RBFOX1: variants seen among roughly 807,000 people sequenced by gnomAD.
The protein encoded by RBFOX1 is RNA binding fox-1 homolog 1.
In RBFOX1, 8 loss-of-function variants were observed where a neutral mutation model predicts 57.7. The observed-to-expected ratio is 0.14, with a 90% CI of 0.08 to 0.25. The LOEUF (loss-of-function observed/expected upper bound fraction) is 0.25, where lower values mean the gene tolerates loss of function less well. Among genes scored for constraint, RBFOX1 ranks in the 10% least tolerant of loss-of-function variants. RBFOX1 has a pLI of 1.00. For synonymous variants in RBFOX1, 326 were observed against 222.4 expected (o/e 1.47, Z -4.15); for missense variants, 611 against 548.5 (o/e 1.11, Z -1.14).
intron 2 of RBFOX1, among the ~76,000 whole-genome samples, chr16:5,484,090 G>A (rs2069642579): frequency 6.6e-6 from 1 of 152,234 alleles, no homozygotes; most frequent in Admixed American, 6.5e-5. Flanking sequence ...AGGATTGCTT[G>A]CACCAAAGAG....
chr16:5,845,973 G>A (rs1567617457), intron 3 of RBFOX1, among the ~76,000 whole-genome samples: 1 of 152,130 alleles, frequency 6.6e-6, no homozygotes, highest in Non-Finnish European at 1.5e-5. Flanking sequence ...AGGAATTCAA[G>A]ACCAGCTTGG....
At chr16:5,795,448 A>C (rs966077768) in intron 3 of RBFOX1, among the ~76,000 whole-genome samples, 2 of 151,872 alleles carry the variant, frequency 1.3e-5, no homozygotes, top group African/African-American at 4.8e-5. Flanking sequence ...GACCACAGGC[A>C]CCTACCACCG....
At chr16:7,050,628 A>G (rs1053591919) in intron 3 of RBFOX1, among the ~76,000 whole-genome samples, 10 of 152,054 alleles carry the variant, frequency 6.6e-5, no homozygotes, top group African/African-American at 2.4e-4. Flanking sequence ...GAACCATAAT[A>G]TTGTATATTT....
intron 3 of RBFOX1, among the ~76,000 whole-genome samples, chr16:6,839,847 C>T (rs75847364): frequency 0.023 from 3,482 of 152,264 alleles, 171 homozygotes; most frequent in East Asian, 0.2. Flanking sequence ...TACCTCTGTT[C>T]TTACGTGATA....
chr16:7,538,592 A>T (rs1253734819), intron 5 of RBFOX1, among the ~76,000 whole-genome samples: 1 of 152,196 alleles, frequency 6.6e-6, no homozygotes, highest in African/African-American at 2.4e-5. Flanking sequence ...TAGGAGAGAG[A>T]GATGGAAACA....
intron 3 of RBFOX1, among the ~76,000 whole-genome samples, chr16:5,625,017 T>C (rs1383884410): frequency 3.3e-5 from 5 of 152,188 alleles, no homozygotes; most frequent in African/African-American, 1.2e-4. Flanking sequence ...GCACGAGAGA[T>C]ACCAGCAGTC....
intron 2 of RBFOX1, among the ~76,000 whole-genome samples, chr16:6,382,358 G>C (rs925934996): frequency 6.6e-6 from 1 of 152,192 alleles, no homozygotes; most frequent in East Asian, 1.9e-4. Context: ...AAGAAGGTGT[G>C]TAAGTTGTGT....
At chr16:6,191,284 T>A (rs1598228413) in intron 1 of RBFOX1, among the ~76,000 whole-genome samples, 3 of 152,126 alleles carry the variant, frequency 2.0e-5, no homozygotes, top group East Asian at 3.9e-4. Flanking sequence ...CTTCTCCCTG[T>A]CATAGTGCCT....
At chr16:5,465,364 T>G (rs895224369) in intron 1 of RBFOX1, among the ~76,000 whole-genome samples, 4 of 152,192 alleles carry the variant, frequency 2.6e-5, no homozygotes, top group African/African-American at 9.7e-5. Flanking sequence ...CAGCCTCATT[T>G]TAATTTAATC....
At chr16:7,538,924 T>A (rs373168592) in intron 5 of RBFOX1, among the ~76,000 whole-genome samples, 2 of 147,904 alleles carry the variant, frequency 1.4e-5, no homozygotes, top group East Asian at 4.1e-4. Flanking sequence ...AGTTCTATGG[T>A]CAATGAGACT....
At chr16:5,311,977 G>T (rs929509304) in intron 1 of RBFOX1, among the ~76,000 whole-genome samples, 8 of 152,310 alleles carry the variant, frequency 5.3e-5, no homozygotes, top group Non-Finnish European at 1.0e-4. Flanking sequence ...AGCCTTGCAA[G>T]AGCAAAGGCC....
chr16:7,702,997 G>T (rs567541062), intron 14 of RBFOX1, among the ~76,000 whole-genome samples: 28 of 152,260 alleles, frequency 1.8e-4, no homozygotes, highest in African/African-American at 6.7e-4. Flanking sequence ...CCCCAACCAG[G>T]GGGGTAGACA....
rs563218595 is a variant in RBFOX1 at position 5,825,858 on chromosome 16, T to C, written c.319-41445T>C. 3.5e-3 allele frequency among the ~76,000 whole-genome samples: 453 copies of C among 127,844 alleles called. 1 individual carries two copies. Among genetic ancestry groups the C allele is most frequent in the African/African-American group, 0.012 (431 of 35,046 alleles). 83.9% of individuals were successfully genotyped at this position (127,844 alleles called of 152,430 possible). A position where few individuals can be genotyped will look rare whatever the true frequency, so the allele number is the denominator to read the frequency against. On this transcript the variant is annotated intron_variant, in intron 3 of 19. Coordinates refer to the RBFOX1 transcript ENST00000641259. ...GAATAAGGAATAATATTCCGTAATA[T>C]GAATAAGGAATAATATTCCGTAATA...
intron 1 of RBFOX1, among the ~76,000 whole-genome samples, chr16:5,418,088 A>AACG (rs1343010847): frequency 2.6e-5 from 4 of 151,774 alleles, no homozygotes; most frequent in African/African-American, 9.7e-5. Flanking sequence ...TCTCAACAAC[A>AACG]ACAACAACAA....
chr16:6,722,112 G>A (rs1214182270), intron 3 of RBFOX1, among the ~76,000 whole-genome samples: 4 of 152,148 alleles, frequency 2.6e-5, no homozygotes, highest in South Asian at 2.1e-4. Context: ...TATAAGCGCG[G>A]TTGCACAGAT....
intron 3 of RBFOX1, among the ~76,000 whole-genome samples, chr16:5,748,909 C>T (rs2053086013): frequency 2.0e-5 from 3 of 152,158 alleles, no homozygotes; most frequent in Admixed American, 1.3e-4. Context: ...TTGTTCCTGT[C>T]ATTATGATGT....
At chr16:5,429,282 GC>G (rs2151508124) in intron 1 of RBFOX1, among the ~76,000 whole-genome samples, 1 of 152,326 alleles carries the variant, frequency 6.6e-6, no homozygotes, top group South Asian at 2.1e-4. Flanking sequence ...GGGACTGCTG[GC>G]CCTCTGAGAG....
In RBFOX1 at chr16:6,505,325, T is replaced by A. The variant is rs42187; in HGVS notation, c.-63-149278T>A. 5.0e-3 allele frequency among the ~76,000 whole-genome samples: 763 copies of A among 152,300 alleles called. 4 individuals are homozygous for A. Among genetic ancestry groups the A allele is most frequent in the Middle Eastern group, 0.014 (4 of 294 alleles). ...TGATATTCATCACTCAATTGAGCTT[T>A]GTTTATATAAGGAATCTAAAAATGC... On this transcript the variant is annotated intron_variant, in intron 2 of 15. Transcript: ENST00000550418.
At chr16:7,207,789 C>G (rs1038269966) in intron 4 of RBFOX1, among the ~76,000 whole-genome samples, 1 of 152,144 alleles carries the variant, frequency 6.6e-6, no homozygotes, top group East Asian at 1.9e-4. Flanking sequence ...GTAGCTTCTC[C>G]TAGAATGTGC....
Sources: allele counts gnomAD v4.1 joint callset (sites outside exome capture counted in the v4.1 genomes callset), GRCh38; gene constraint gnomAD v4.1.1; transcripts MANE v1.5; gene names NCBI Gene and HGNC (gene_info 2026-07-23, HGNC 2026-07-21).